Variants in CAST observed in about 807,000 individuals in gnomAD.
CAST encodes the protein MIR583 host.
A neutral mutation model predicts 119.6 loss-of-function variants in CAST; 76 were observed. The observed-to-expected ratio is 0.64, with a 90% CI of 0.53 to 0.77. CAST has a LOEUF of 0.77. Among genes scored for constraint, CAST ranks in the 30% least tolerant of loss-of-function variants. CAST has a pLI of 0.00. For synonymous variants in CAST, 319 were observed against 331.6 expected (o/e 0.96, Z 0.41); for missense variants, 953 against 946.5 (o/e 1.01, Z -0.09).
chr5:96,229,675 TTG>T, the CAST span, among the ~76,000 whole-genome samples: 1 of 152,156 alleles, frequency 6.6e-6, no homozygotes, highest in Non-Finnish European at 1.5e-5. Context: ...TTATTCTGTA[TTG>T]TGTTTTAAGG....
chr5:96,338,573 G>A, the CAST span, among the ~76,000 whole-genome samples: 3 of 152,136 alleles, frequency 2.0e-5, no homozygotes, highest in Non-Finnish European at 4.4e-5. Context: ...AAACAACTTT[G>A]CTCTGAGATT....
chr5:96,672,658 G>C (rs1750234966), intron 1 of CAST, among the ~76,000 whole-genome samples: 1 of 127,368 alleles, frequency 7.9e-6, no homozygotes, highest in Non-Finnish European at 1.5e-5. Context: ...AGTGGGCCAA[G>C]ATCGCACCAC....
the CAST span, among the ~76,000 whole-genome samples, chr5:96,320,950 C>T: frequency 1.3e-5 from 2 of 152,084 alleles, no homozygotes; most frequent in African/African-American, 4.8e-5. Context: ...ATTGGTGAGT[C>T]GTCGCCATGA....
chr5:96,178,461 T>C, the CAST span, among the ~76,000 whole-genome samples: 1 of 152,142 alleles, frequency 6.6e-6, no homozygotes, highest in African/African-American at 2.4e-5. Context: ...TTTTAAAAAA[T>C]ACTCAGTTCT....
chr5:96,094,714 C>T, the CAST span, among the ~76,000 whole-genome samples: 1 of 152,148 alleles, frequency 6.6e-6, no homozygotes, highest in Non-Finnish European at 1.5e-5. Context: ...CATGACTTTT[C>T]CTCACTCTAC....
the CAST span, among the ~76,000 whole-genome samples, chr5:96,504,696 A>G: frequency 6.6e-6 from 1 of 152,206 alleles, no homozygotes; most frequent in Non-Finnish European, 1.5e-5. Context: ...CGGTACACAC[A>G]GTTGTGCAAC....
the CAST span, among the ~76,000 whole-genome samples, chr5:96,357,694 G>A: frequency 2.0e-5 from 3 of 152,172 alleles, no homozygotes; most frequent in Non-Finnish European, 4.4e-5. Context: ...GTTGATTGTG[G>A]TGGATAAGCT....
the CAST span, among the ~76,000 whole-genome samples, chr5:96,364,689 T>G: frequency 9.9e-5 from 15 of 152,214 alleles, no homozygotes; most frequent in Admixed American, 7.8e-4. Context: ...TCATTTTTTA[T>G]TGCGTCTATT....
At chr5:96,390,754 T>A in the CAST span, 1 of 152,670 alleles carries the variant, frequency 6.6e-6, no homozygotes, top group African/African-American at 2.4e-5. Context: ...AGTTTTCTCT[T>A]TGACATTTTC....
chr5:96,162,750 G>A, the CAST span, among the ~76,000 whole-genome samples: 3 of 151,974 alleles, frequency 2.0e-5, no homozygotes, highest in Non-Finnish European at 4.4e-5. Context: ...TTCTATTCTT[G>A]GGATAGTTTA....
the CAST span, among the ~76,000 whole-genome samples, chr5:96,293,786 C>G: frequency 6.6e-6 from 1 of 152,040 alleles, no homozygotes; most frequent in Admixed American, 6.6e-5. Context: ...GAGACACAGT[C>G]TTGCTCTGTC....
At chr5:96,390,447 A>G in the CAST span, 1 of 152,272 alleles carries the variant, frequency 6.6e-6, no homozygotes, top group Non-Finnish European at 1.5e-5. Flanking sequence ...TATAATGTGG[A>G]AGTTCCCTTA....
At chr5:96,654,935 C>T (rs1452911255) in intron 1 of CAST, among the ~76,000 whole-genome samples, 2 of 152,124 alleles carry the variant, frequency 1.3e-5, no homozygotes, top group South Asian at 2.1e-4. Context: ...ATATAAGAAA[C>T]ATTAAGAAAA....
Position 96,635,460 on chromosome 5 carries a change from T to G in CAST, c.61-40079T>G, listed in dbSNP as rs1747874628. Among the ~76,000 whole-genome samples the G allele has an allele frequency of 2.6e-5, 4 of 152,216 alleles. 1 individual carries two copies. The highest frequency in any genetic ancestry group is 9.6e-5 in the African/African-American group (4 of 41,458). ...TCAAGAGGTTGGATGGGATCTTGAATGGCTGACTCCATCTCTCTGGGTTGA... is the reference window on the plus strand; with the variant it reads ...TCAAGAGGTTGGATGGGATCTTGAAGGGCTGACTCCATCTCTCTGGGTTGA... On this transcript the variant is annotated intron_variant, in intron 1 of 11. Coordinates refer to the CAST transcript ENST00000505143.
the CAST span, among the ~76,000 whole-genome samples, chr5:95,975,242 A>G: frequency 6.6e-6 from 1 of 152,198 alleles, no homozygotes; most frequent in African/African-American, 2.4e-5. Context: ...AACATTTTAT[A>G]ACATTTGGTA....
the CAST span, among the ~76,000 whole-genome samples, chr5:96,434,669 A>G: frequency 1.3e-5 from 2 of 150,914 alleles, no homozygotes; most frequent in Non-Finnish European, 2.9e-5. Context: ...GGCGCGATCT[A>G]TGCTGTAGAA....
chr5:96,767,332 C>T (rs1329595902), intron 27 of CAST, 106 bp from the exon 28 acceptor site: 4 of 836,988 alleles, frequency 4.8e-6, no homozygotes, highest in Non-Finnish European at 7.8e-6. Context: ...GTCTACACTC[C>T]ATTTTATCCA....
rs1254694426 is a variant in CAST, at chr5:96,727,524, A to G, written c.372A>G (p.Ser124=). The change falls in exon 6 of 32, where the codon TCA becomes TCG. Residue 124 remains serine, a synonymous_variant. Coordinates refer to ENST00000675179, the MANE Select transcript of CAST (RefSeq NM_001750.7). ...VKTEPEKKSQ[S]TKLSVVHEKK... ...CAGAACCTGAGAAGAAGTCACAGTCAACCAAGGTAAATAGTTTAAGTCTGT... is the reference window on the plus strand; with the variant it reads ...CAGAACCTGAGAAGAAGTCACAGTCGACCAAGGTAAATAGTTTAAGTCTGT... 1 of 1,559,360 alleles carries G rather than the reference A, an allele frequency of 6.4e-7. No homozygotes were observed. Among genetic ancestry groups the G allele is most frequent in the Admixed American group, 1.8e-5 (1 of 55,292 alleles).
chr5:96,089,287 A>G, the CAST span, among the ~76,000 whole-genome samples: 6 of 152,076 alleles, frequency 3.9e-5, no homozygotes, highest in African/African-American at 7.2e-5. Context: ...AGCCTTCTGG[A>G]GGCAATTTTG....
Sources: allele counts gnomAD v4.1 joint callset (sites outside exome capture counted in the v4.1 genomes callset), GRCh38; gene constraint gnomAD v4.1.1; transcripts MANE v1.5; gene names NCBI Gene and HGNC (gene_info 2026-07-23, HGNC 2026-07-21).